SYNE2: variants seen among roughly 807,000 people sequenced by gnomAD.
SYNE2 encodes the protein nesprin-2.
In SYNE2, 431 loss-of-function variants were observed where a neutral mutation model predicts 856.3. That is an observed-to-expected ratio of 0.50 (90% CI 0.47 to 0.55). The LOEUF is 0.55. SYNE2 is among the 20% of genes least tolerant of loss of function. The pLI is 0.00. For synonymous variants in SYNE2, 2,923 were observed against 2,872.3 expected, an observed-to-expected ratio of 1.02 and a Z score of -0.56; for missense variants, 8,129 against 8,023.2, an observed-to-expected ratio of 1.01 and a Z score of -0.50.
At position 63,900,421 on chromosome 14, in the gene SYNE2, G is replaced by A. The variant is rs371520175; in HGVS notation, c.-51-8677G>A. The stretch of plus-strand genomic sequence containing the variant: ...GGAGCAAGTCACGACTTACATGGAT[G>A]GCAGCAGGCAAAAAGAGAGCTTGTG... On this transcript the variant is annotated intron_variant, in intron 1 of 115. Transcript: ENST00000555002. Among the ~76,000 whole-genome samples the A allele has an allele frequency of 2.8e-4, 42 of 152,222 alleles. No individual in the cohort carries two copies. In the East Asian group the frequency reaches 7.9e-3, roughly 29 times the overall value.
intron 1 of SYNE2, among the ~76,000 whole-genome samples, chr14:63,805,892 G>T (rs537806622): frequency 2.0e-5 from 3 of 152,178 alleles, no homozygotes; most frequent in African/African-American, 7.2e-5. Flanking sequence ...AGAGGCCATG[G>T]GGTTTTCTAA....
chr14:63,959,496 C>T (rs1014509134), intron 8 of SYNE2, among the ~76,000 whole-genome samples: 1 of 151,652 alleles, frequency 6.6e-6, no homozygotes. Context: ...GGGGGTTTCG[C>T]CGTGTTGGCC....
chr14:64,146,681 C>T (rs1376223132), intron 84 of SYNE2, among the ~76,000 whole-genome samples: 1 of 152,232 alleles, frequency 6.6e-6, no homozygotes, highest in African/African-American at 2.4e-5. Flanking sequence ...GGAACCTCTG[C>T]TGAATCACAT....
chr14:64,221,925 A>C (rs1175459317), intron 112 of SYNE2, among the ~76,000 whole-genome samples: 1 of 152,102 alleles, frequency 6.6e-6, no homozygotes, highest in Non-Finnish European at 1.5e-5. Context: ...GCCACAGTCC[A>C]CAGAACTGAG....
At chr14:63,869,348 A>G (rs766782528) in intron 1 of SYNE2, among the ~76,000 whole-genome samples, 7 of 152,132 alleles carry the variant, frequency 4.6e-5, no homozygotes, top group Non-Finnish European at 1.0e-4. Flanking sequence ...ATTTCCAGCC[A>G]GGCATGGTGG....
chr14:64,140,248 TAATAA>T (rs1337856607), intron 80 of SYNE2, among the ~76,000 whole-genome samples, 175 bp downstream of exon 80: 1 of 152,222 alleles, frequency 6.6e-6, no homozygotes, highest in African/African-American at 2.4e-5. Flanking sequence ...CATTCGTTTA[TAATAA>T]AATATGTTTT....
At position 63,913,836 on chromosome 14, in the gene SYNE2, A is replaced by AT. The variant is rs201190715; in HGVS notation, c.79+4615dup. On this transcript the variant is annotated intron_variant, in intron 2 of 115. Coordinates refer to ENST00000555002, the MANE Select transcript of SYNE2 (RefSeq NM_182914.3). ...AAATGATAATAAATGGCTGTTTAAA[A>AT]TTTTTTAAATTTAATTTAATTTTAA... Among the ~76,000 whole-genome samples the AT allele has an allele frequency of 2.7e-3, 409 of 151,406 alleles. 10 individuals are homozygous for AT. In the East Asian group the frequency reaches 0.039, roughly 15 times the overall value.
chr14:63,966,927 G>A (rs746159804), intron 10 of SYNE2, among the ~76,000 whole-genome samples: 3 of 150,870 alleles, frequency 2.0e-5, no homozygotes, highest in African/African-American at 4.9e-5. Flanking sequence ...GTGCAGTGGC[G>A]TGATCTCGGC....
rs763314715 is a variant in SYNE2 at position 63,997,149 on chromosome 14, C to G, written c.3143C>G (p.Ser1048Trp). Residue 1048 changes from serine (S) to tryptophan (W), a missense_variant, in exon 24 of 116, where the codon TCG becomes TGG. Ser to Trp is a radical substitution (Grantham distance 177). This residue lies in a region of SYNE2 where 2,422 missense variants were observed against 2,357.4 expected (regional missense o/e 1.03). Coordinates refer to ENST00000555002, the MANE Select transcript of SYNE2 (RefSeq NM_182914.3). The part of the protein sequence containing the change: ...MTLQPTAGGT[S>W]KNEGTITTSE... ...CTGCAGCCCACAGCGGGAGGCACGT[C>G]GAAAAACGAGTTAGTACTTCATAAG... 1 of 1,613,736 alleles carries G rather than the reference C, an allele frequency of 6.2e-7. No individual in the cohort carries two copies.
chr14:63,817,678 C>A (rs773946715), intron 1 of SYNE2, among the ~76,000 whole-genome samples: 1 of 152,060 alleles, frequency 6.6e-6, no homozygotes, highest in Non-Finnish European at 1.5e-5. Flanking sequence ...GGTAATCTCT[C>A]AATACATGCA....
At chr14:64,057,663 G>A (rs1229520661) in intron 49 of SYNE2, among the ~76,000 whole-genome samples, 4 of 152,098 alleles carry the variant, frequency 2.6e-5, no homozygotes, top group Non-Finnish European at 5.9e-5. Context: ...TCATATGGTA[G>A]CTCTATTTTT....
In SYNE2 at chr14:63,995,256, A is replaced by C. The variant is rs565239587; in HGVS notation, c.2940+54A>C. 330 of 1,488,494 alleles carry C rather than the reference A, an allele frequency of 2.2e-4. 1 individual carries two copies. Among genetic ancestry groups the C allele is most frequent in the Non-Finnish European group, 2.8e-4 (298 of 1,076,334 alleles). The allele number at this position is 1,488,494 out of a possible 1,614,324, so 92.2% of individuals were successfully genotyped here. A position where few individuals can be genotyped will look rare whatever the true frequency, so the allele number is the denominator to read the frequency against. On this transcript the variant is annotated intron_variant, in intron 23 of 115. Transcript: ENST00000555002. ...TGTCATCATTTTGGGGTTTATCTTA[A>C]ATGGTTGTGTGTATCTTTAGCCTAG...
intron 2 of SYNE2, among the ~76,000 whole-genome samples, chr14:63,925,548 ATTGTT>A (rs940822520): frequency 3.3e-5 from 5 of 152,208 alleles, no homozygotes; most frequent in Admixed American, 6.5e-5. Flanking sequence ...GAGCAATTGC[ATTGTT>A]TTTTTTACCA....
chr14:64,168,920 C>T lies in SYNE2; in HGVS notation c.16949C>T (p.Ser5650Phe). The T allele has an allele frequency of 6.2e-7, 1 of 1,614,054 alleles. No individual in the cohort carries two copies. Among genetic ancestry groups the T allele is most frequent in the Non-Finnish European group, 8.5e-7 (1 of 1,179,992 alleles). ...TCTATAAACCAGACAATTGCTGATT[C>T]CTATGTCACCCAGTCCTTACAACTC... ...EVSINQTIAD[S>F]YVTQSLQLLD... is the part of the protein sequence containing the mutation. Residue 5650 changes from serine to phenylalanine, a missense_variant, in exon 93 of 116, where the codon TCC becomes TTC. This residue lies in a region of SYNE2 where 5,410 missense variants were observed against 5,284.8 expected (regional missense o/e 1.02). Coordinates refer to ENST00000555002, the MANE Select transcript of SYNE2 (RefSeq NM_182914.3).
chr14:64,172,441 A>T (rs761623110), intron 94 of SYNE2, among the ~76,000 whole-genome samples: 4 of 152,138 alleles, frequency 2.6e-5, no homozygotes. Flanking sequence ...CTCCTTGGGC[A>T]TCATTCTCTG....
At chr14:63,902,625 C>T (rs898292575) in intron 1 of SYNE2, among the ~76,000 whole-genome samples, 10 of 151,816 alleles carry the variant, frequency 6.6e-5, no homozygotes, top group East Asian at 5.8e-4. Flanking sequence ...GCTAGAGACC[C>T]GGGAGACTCA....
rs946264938 is a variant in SYNE2 at position 64,062,667 on chromosome 14, G to A, written c.10068-84G>A. 33 of 1,263,356 alleles carry A rather than the reference G, an allele frequency of 2.6e-5. No homozygotes were observed. In the South Asian group the frequency reaches 2.9e-4, roughly 11 times the overall value. The allele number at this position is 1,263,356 out of a possible 1,614,324, so 78.3% of individuals were successfully genotyped here. A position where few individuals can be genotyped will look rare whatever the true frequency, so the allele number is the denominator to read the frequency against. ...TCATATCTTTTCTTAAAAATTAAGT[G>A]TGGAATATTTATTCTGGGAAATTTT... On this transcript the variant is annotated intron_variant, in intron 49 of 115. Coordinates refer to ENST00000555002, the MANE Select transcript of SYNE2 (RefSeq NM_182914.3).
At chr14:63,867,691 CTG>C (rs1236191185) in intron 1 of SYNE2, among the ~76,000 whole-genome samples, 2 of 150,740 alleles carry the variant, frequency 1.3e-5, no homozygotes, top group African/African-American at 4.9e-5. Flanking sequence ...GAGCGAGACT[CTG>C]TCTCAAAAAA....
At chr14:64,156,727 G>C (rs2098289325) in intron 85 of SYNE2, among the ~76,000 whole-genome samples, 1 of 152,138 alleles carries the variant, frequency 6.6e-6, no homozygotes, top group African/African-American at 2.4e-5. Context: ...CCAAAGTGCT[G>C]GGATTACAGG....
Sources: allele counts gnomAD v4.1 joint callset (sites outside exome capture counted in the v4.1 genomes callset), GRCh38; gene constraint gnomAD v4.1.1; regional missense constraint gnomAD v4.1.1; transcripts MANE v1.5; gene names NCBI Gene and HGNC (gene_info 2026-07-23, HGNC 2026-07-21).